Variants in CBLB observed in about 807,000 individuals in gnomAD.
The protein encoded by CBLB is Cbl proto-oncogene B.
Under a neutral mutation model 104.9 loss-of-function variants are expected in CBLB, and 31 were observed. The ratio of observed to expected loss-of-function variants is 0.30; its 90% CI spans 0.22 to 0.40. CBLB has a LOEUF of 0.40. Among genes scored for constraint, CBLB ranks in the 10% least tolerant of loss-of-function variants. The pLI is 1.00. For synonymous variants in CBLB, 440 were observed against 422.6 expected (o/e 1.04, Z -0.51); for missense variants, 1,062 against 1,214.6 (o/e 0.87, Z 1.87).
chr3:105,712,681 T>C (rs1191265498), intron 10 of CBLB, among the ~76,000 whole-genome samples: 1 of 152,210 alleles, frequency 6.6e-6, no homozygotes, highest in African/African-American at 2.4e-5. Context: ...ATCCTCAAAA[T>C]AGTGTTTCAG....
intron 18 of CBLB, among the ~76,000 whole-genome samples, chr3:105,662,512 C>T (rs972012063): frequency 6.6e-6 from 1 of 152,070 alleles, no homozygotes; most frequent in African/African-American, 2.4e-5. Context: ...TGAGTAATTG[C>T]AGTGGTATCA....
intron 2 of CBLB, among the ~76,000 whole-genome samples, chr3:105,856,406 T>C (rs1017520421): frequency 4.7e-5 from 7 of 148,196 alleles, no homozygotes; most frequent in Non-Finnish European, 1.0e-4. Context: ...GGGATCAGGG[T>C]TTTTTTCAGA....
At chr3:105,721,712 A>G (rs1410238969) in intron 9 of CBLB, among the ~76,000 whole-genome samples, 1 of 152,100 alleles carries the variant, frequency 6.6e-6, no homozygotes, top group Non-Finnish European at 1.5e-5. Flanking sequence ...TTGCTCCATC[A>G]TTTTACAGAT....
chr3:105,822,125 C>T (rs1323894235), intron 3 of CBLB, among the ~76,000 whole-genome samples: 1 of 152,058 alleles, frequency 6.6e-6, no homozygotes, highest in Non-Finnish European at 1.5e-5. Flanking sequence ...TTTTATTCAT[C>T]TGCAACTATA....
At chr3:105,670,114 A>C in intron 18 of CBLB, 119 bp downstream of exon 18, 1 of 916,630 alleles carries the variant, frequency 1.1e-6, no homozygotes, top group Admixed American at 2.0e-5. Context: ...TGATGATCAA[A>C]ATACTTTCTT....
At chr3:105,769,978 G>T (rs774169429) in intron 4 of CBLB, among the ~76,000 whole-genome samples, 1 of 152,130 alleles carries the variant, frequency 6.6e-6, no homozygotes, top group Non-Finnish European at 1.5e-5. Flanking sequence ...TATGTATGGA[G>T]AGGAGAGGCT....
intron 3 of CBLB, among the ~76,000 whole-genome samples, chr3:105,821,325 A>G (rs563914159): frequency 2.0e-4 from 31 of 152,188 alleles, no homozygotes; most frequent in African/African-American, 7.0e-4. Flanking sequence ...TAACTGCCTA[A>G]GAGATCCATA....
At chr3:105,707,432 T>C (rs904542756) in intron 10 of CBLB, among the ~76,000 whole-genome samples, 3 of 151,360 alleles carry the variant, frequency 2.0e-5, no homozygotes, top group African/African-American at 7.3e-5. Context: ...AACCTCATTT[T>C]CCTGAGTTCT....
At chr3:105,805,799 G>A (rs6795961) in intron 3 of CBLB, among the ~76,000 whole-genome samples, 101,555 of 151,912 alleles carry the variant, frequency 0.67, 35,001 homozygotes, top group Middle Eastern at 0.8. Context: ...CTCTGAAGCC[G>A]CATACCACTT....
intron 17 of CBLB, 45 bp downstream of exon 17, chr3:105,678,386 A>AT (rs1418351195): frequency 6.3e-7 from 1 of 1,579,958 alleles, no homozygotes. Flanking sequence ...TTTTGGAAAT[A>AT]TTTTTGCTTT....
chr3:105,766,657 A>AT lies in CBLB; in HGVS notation c.566+9738dup, dbSNP rs200502642. Among the ~76,000 whole-genome samples, 805 of 90,830 alleles carry AT rather than the reference A, an allele frequency of 8.9e-3. 8 individuals carry two copies. Among genetic ancestry groups the AT allele is most frequent in the African/African-American group, 0.025 (759 of 30,514 alleles). 59.6% of individuals were successfully genotyped at this position (90,830 alleles called of 152,430 possible). A position where few individuals can be genotyped will look rare whatever the true frequency, so the allele number is the denominator to read the frequency against. On this transcript the variant is annotated intron_variant, in intron 4 of 18. Transcript: ENST00000394030. The stretch of plus-strand genomic sequence containing the variant: ...ATTCTTTTTTAGTTAAGGTACATAT[A>AT]TTTTTTTAGACATAATGCTACTGCA...
chr3:105,692,831 A>G (rs568368184), intron 13 of CBLB, among the ~76,000 whole-genome samples: 1 of 150,504 alleles, frequency 6.6e-6, no homozygotes, highest in South Asian at 2.1e-4. Flanking sequence ...GAATTGGGAT[A>G]TCCAGTTTAT....
rs148559384 is a variant in CBLB, at chr3:105,689,610, A to G, written c.2054+3884T>C. ...TAATAATGCCTCTGTTCATTTGCCA[A>G]TCTATTGTGTGCCAAGTAAAATAAA... On this transcript the variant is annotated intron_variant, in intron 13 of 18. Coordinates refer to ENST00000394030, the MANE Select transcript of CBLB (RefSeq NM_170662.5). 6.4e-3 allele frequency among the ~76,000 whole-genome samples: 964 copies of G among 151,268 alleles called. 12 individuals carry two copies. The highest frequency in any genetic ancestry group is 0.022 in the African/African-American group (917 of 41,480).
At chr3:105,673,444 G>C (rs2065280622) in intron 17 of CBLB, 1 of 152,022 alleles carries the variant, frequency 6.6e-6, no homozygotes, top group African/African-American at 2.4e-5. Context: ...AAAAACAGAG[G>C]CAAATAAAAT....
chr3:105,721,850 T>C (rs1400141991), intron 9 of CBLB, among the ~76,000 whole-genome samples: 2 of 152,072 alleles, frequency 1.3e-5, no homozygotes, highest in Non-Finnish European at 2.9e-5. Context: ...TTTAAAGTCA[T>C]ATTCAATATA....
chr3:105,779,328 C>T (rs889201089), intron 3 of CBLB, among the ~76,000 whole-genome samples: 1 of 152,116 alleles, frequency 6.6e-6, no homozygotes, highest in Non-Finnish European at 1.5e-5. Context: ...TATATCAATA[C>T]TCACTGATTG....
In CBLB at chr3:105,686,451, G is replaced by T. The variant is rs187785190; in HGVS notation, c.2055-985C>A. ...AAATCTGTTCAATTTAAAAAGGAAGGAAAAAAAAAAAACAAAAAAACTAAG... is the reference window on the plus strand; with the variant it reads ...AAATCTGTTCAATTTAAAAAGGAAGTAAAAAAAAAAAACAAAAAAACTAAG... On this transcript the variant is annotated intron_variant, in intron 13 of 18. Transcript: ENST00000394030. Among the ~76,000 whole-genome samples, 133 of 137,088 alleles carry T rather than the reference G, an allele frequency of 9.7e-4. 1 individual carries two copies. Among genetic ancestry groups the T allele is most frequent in the African/African-American group, 3.5e-3 (129 of 37,078 alleles). 89.9% of individuals were successfully genotyped at this position (137,088 alleles called of 152,430 possible).
At chr3:105,686,090 A>G (rs2066964878) in intron 13 of CBLB, among the ~76,000 whole-genome samples, 1 of 152,198 alleles carries the variant, frequency 6.6e-6, no homozygotes. Flanking sequence ...TTTGAAGTAC[A>G]TTATTTTTAT....
At chr3:105,822,819 A>G (rs937144658) in intron 3 of CBLB, among the ~76,000 whole-genome samples, 1 of 152,198 alleles carries the variant, frequency 6.6e-6, no homozygotes, top group African/African-American at 2.4e-5. Context: ...GCCTTCAGGT[A>G]CATCAGCATT....
Sources: gnomAD v4.1 joint callset for allele counts (sites outside exome capture counted in the v4.1 genomes callset) on GRCh38, gnomAD v4.1.1 for gene constraint, MANE v1.5 for transcripts, NCBI Gene and HGNC (gene_info 2026-07-23, HGNC 2026-07-21) for gene names.